The following ZFC3H1 variants were observed in gnomAD, a reference collection of about 807,000 sequenced individuals.
ZFC3H1 encodes zinc finger C3H1-type containing, also known as zinc finger C3H1 domain-containing protein.
ZFC3H1 carries 71 observed loss-of-function variants against 243.7 expected under a neutral mutation model. The observed-to-expected ratio is 0.29, with a 90% CI of 0.24 to 0.36. The LOEUF is 0.36. Ranked by LOEUF, ZFC3H1 falls within the 10% of genes least tolerant of loss-of-function variation. ZFC3H1 has a pLI of 1.00. For synonymous variants in ZFC3H1, 838 were observed against 813.0 expected, an observed-to-expected ratio of 1.03 and a Z score of -0.52; for missense variants, 1,966 against 2,317.1, an observed-to-expected ratio of 0.85 and a Z score of 3.11.
intron 2 of ZFC3H1, among the ~76,000 whole-genome samples, chr12:71,649,105 A>G (rs1880810073): frequency 6.6e-6 from 1 of 151,672 alleles, no homozygotes; most frequent in Admixed American, 6.6e-5. Context: ...AAAAAAAAAA[A>G]AAAAAGAAAA....
At chr12:71,626,921 T>C (rs1218561654) in intron 21 of ZFC3H1, among the ~76,000 whole-genome samples, 1 of 152,230 alleles carries the variant, frequency 6.6e-6, no homozygotes, top group Non-Finnish European at 1.5e-5. Flanking sequence ...CATGATCCTA[T>C]TCATAAAATA....
At chr12:71,656,646 T>G (rs1411002068) in intron 2 of ZFC3H1, 1 of 589,706 alleles carries the variant, frequency 1.7e-6, no homozygotes, top group Non-Finnish European at 2.9e-6. Context: ...TCCACTATTA[T>G]CACTTATGTA....
Position 71,663,808 on chromosome 12 carries a change from C to T in ZFC3H1, c.-198G>A, listed in dbSNP as rs373807548. Reference sequence around the variant, plus strand: ...TCGCCGGACCGTCGCAACCCAGTTCCCTTTCCTAGCGCCCCCTTGCTCCTC... The same window carrying T: ...TCGCCGGACCGTCGCAACCCAGTTCTCTTTCCTAGCGCCCCCTTGCTCCTC... On this transcript the variant is annotated 5_prime_UTR_variant, in exon 1 of 35. Transcript: ENST00000378743. 2 of 618,346 alleles carry T rather than the reference C, an allele frequency of 3.2e-6. No individual in the cohort carries two copies. Among genetic ancestry groups the T allele is most frequent in the African/African-American group, 1.8e-5 (1 of 54,222 alleles). 38.3% of individuals were successfully genotyped at this position (618,346 alleles called of 1,614,324 possible).
At position 71,624,094 on chromosome 12, in the gene ZFC3H1, A is replaced by C. The variant is rs527657369; in HGVS notation, c.4506+10T>G. On this transcript the variant is annotated intron_variant, in intron 23 of 34. Transcript: ENST00000378743. ...GCAAAATGCAATTAAATGCTGTACC[A>C]AGTGCTTACCTGTAAAATTGCCAGT... is the stretch of plus-strand genomic sequence containing the variant. The C allele has an allele frequency of 6.2e-7, 1 of 1,607,628 alleles. No homozygotes were observed.
rs1469280903 is a variant in ZFC3H1, at chr12:71,636,842, T to G, written c.1935+8A>C. On this transcript the variant is annotated splice_region_variant and intron_variant, in intron 8 of 34. Transcript: ENST00000378743. ...AGCACCACCTAGAGGTTTAGGTACC[T>G]AAATTACCTCTGGCTTAAAAGCTCT... is the stretch of plus-strand genomic sequence containing the variant. 1 of 1,613,642 alleles carries G rather than the reference T, an allele frequency of 6.2e-7. No individual in the cohort carries two copies. The highest frequency in any genetic ancestry group is 8.5e-7 in the Non-Finnish European group (1 of 1,179,858).
chr12:71,611,660 GA>G (rs35052856), intron 32 of ZFC3H1, 125 bp downstream of exon 32: 43,571 of 107,152 alleles, frequency 0.41, 10,411 homozygotes, highest in Non-Finnish European at 0.52. Flanking sequence ...ATCTGTCCAG[GA>G]AAAAAAAAAA....
At chr12:71,626,979 A>C (rs992287249) in intron 21 of ZFC3H1, among the ~76,000 whole-genome samples, 1 of 152,232 alleles carries the variant, frequency 6.6e-6, no homozygotes, top group Non-Finnish European at 1.5e-5. Context: ...CAGAAAAGAA[A>C]ACACTGTAAC....
rs370651461 is a variant in ZFC3H1 at position 71,628,991 on chromosome 12, C to T, written c.3873G>A (p.Lys1291=). 70 of 1,613,186 alleles carry T rather than the reference C, an allele frequency of 4.3e-5. No individual in the cohort carries two copies. Among genetic ancestry groups the T allele is most frequent in the Non-Finnish European group, 5.7e-5 (67 of 1,179,774 alleles). ...TYKDKRKWKP[K]FWRKPISDNS... Reference sequence around the variant, plus strand: ...TATCTGAAATAGGTTTTCTCCAAAACTTTGGCTTCCACTTTCTTTTATCTT... The same window carrying T: ...TATCTGAAATAGGTTTTCTCCAAAATTTTGGCTTCCACTTTCTTTTATCTT... Residue 1291 remains lysine (K), a synonymous_variant, in exon 20 of 35, where the codon AAG becomes AAA. Coordinates refer to ENST00000378743, the MANE Select transcript of ZFC3H1 (RefSeq NM_144982.5).
At chr12:71,620,772 A>T (rs1306239969) in intron 24 of ZFC3H1, among the ~76,000 whole-genome samples, 1 of 152,132 alleles carries the variant, frequency 6.6e-6, no homozygotes, top group Non-Finnish European at 1.5e-5. Flanking sequence ...ATCAAAACAC[A>T]CTTTTCCCCT....
At position 71,611,800 on chromosome 12, in the gene ZFC3H1, C is replaced by G; in HGVS notation, c.5715G>C (p.Leu1905=). 6.2e-7 allele frequency: 1 copy of G among 1,606,314 alleles called. No individual in the cohort carries two copies. Among genetic ancestry groups the G allele is most frequent in the Non-Finnish European group, 8.5e-7 (1 of 1,175,434 alleles). The change falls in exon 32 of 35, where the codon CTG becomes CTC. Residue 1905 remains leucine (L), a synonymous_variant. Coordinates refer to ENST00000378743, the MANE Select transcript of ZFC3H1 (RefSeq NM_144982.5). ...KMFTYNIPTC[L]ATWKIAIAAE... ...TGTTGCATTACATTTTCCAGGTGGC[C>G]AGGCATGTTGGGATATTATATGTAA...
intron 1 of ZFC3H1, 127 bp downstream of exon 1, chr12:71,662,886 G>A: frequency 1.0e-6 from 1 of 971,480 alleles, no homozygotes; most frequent in South Asian, 1.6e-5. Context: ...ACAACTTAAA[G>A]TATACTGACA....
intron 1 of ZFC3H1, 139 bp downstream of exon 1, chr12:71,662,874 G>A (rs1487261926): frequency 2.2e-6 from 2 of 899,902 alleles, no homozygotes; most frequent in Admixed American, 2.3e-5. Flanking sequence ...AATTACCAAA[G>A]AACAACTTAA....
intron 21 of ZFC3H1, 145 bp downstream of exon 21, chr12:71,627,606 C>T (rs2137529660): frequency 2.8e-6 from 2 of 723,422 alleles, no homozygotes; most frequent in East Asian, 5.7e-5. Context: ...AGCTTTTAAA[C>T]AATAAAATGC....
intron 2 of ZFC3H1, among the ~76,000 whole-genome samples, chr12:71,655,829 A>G (rs950830775): frequency 1.5e-4 from 23 of 152,210 alleles, no homozygotes; most frequent in African/African-American, 3.6e-4. Context: ...GAGGGGGGGG[A>G]AATTACAGGC....
chr12:71,631,324 TA>T (rs148105490), intron 16 of ZFC3H1, among the ~76,000 whole-genome samples: 4,766 of 152,192 alleles, frequency 0.031, 213 homozygotes, highest in African/African-American at 0.11. Context: ...AATTTTAAGA[TA>T]AAAACATGCA....
intron 23 of ZFC3H1, 33 bp downstream of exon 23, chr12:71,624,071 A>T: frequency 6.4e-7 from 1 of 1,574,206 alleles, no homozygotes; most frequent in Non-Finnish European, 8.6e-7. Flanking sequence ...CTTTTTCTGC[A>T]AAATGCAATT....
At position 71,643,901 on chromosome 12, in the gene ZFC3H1, CTAA is replaced by C. The variant is rs778349496; in HGVS notation, c.1503+191_1503+193del. ...GTAAAAAACCTAAAAGCAGTCTCTG[CTAA>C]TAATAATTTTAGCCTTCATTTCTTC... On this transcript the variant is annotated intron_variant, in intron 5 of 34. Transcript: ENST00000378743. Among the ~76,000 whole-genome samples, 13 of 152,198 alleles carry C rather than the reference CTAA, an allele frequency of 8.5e-5. No homozygotes were observed. The East Asian group carries it at 9.6e-4, about 11-fold the overall frequency.
chr12:71,619,381 A>C lies in ZFC3H1; in HGVS notation c.5078T>G (p.Leu1693Trp). 6.2e-7 allele frequency: 1 copy of C among 1,613,766 alleles called. No individual in the cohort carries two copies. The highest frequency in any genetic ancestry group is 8.5e-7 in the Non-Finnish European group (1 of 1,179,816). The change falls in exon 27 of 35, where the codon TTG becomes TGG. Residue 1693 changes from leucine to tryptophan, a missense_variant. Physicochemically the swap from Leu to Trp is moderately conservative, Grantham distance 61. Transcript: ENST00000378743. ...AAAGAAGGATGCAATAAATTTCCGC[A>C]AAAATGGAAGAAGATTATCGCCTCG... ...QNRGDNLLPF[L>W]RKFIASFFKP...
At chr12:71,648,066 G>T (rs1221867178) in intron 2 of ZFC3H1, among the ~76,000 whole-genome samples, 1 of 152,116 alleles carries the variant, frequency 6.6e-6, no homozygotes, top group Non-Finnish European at 1.5e-5. Flanking sequence ...TTAATAAAAT[G>T]ACTTCTGAAC....
Sources: allele counts gnomAD v4.1 joint callset (sites outside exome capture counted in the v4.1 genomes callset), GRCh38; gene constraint gnomAD v4.1.1; transcripts MANE v1.5; gene names NCBI Gene and HGNC (gene_info 2026-07-23, HGNC 2026-07-21).